Variants in PCDHGB1 observed in about 807,000 individuals in gnomAD.
PCDHGB1 encodes protocadherin gamma-B1.
A neutral mutation model predicts 56.6 loss-of-function variants in PCDHGB1; 34 were observed. The observed-to-expected ratio is 0.60, with a 90% CI of 0.46 to 0.80. The LOEUF (loss-of-function observed/expected upper bound fraction) is 0.80. Among genes scored for constraint, PCDHGB1 ranks in the 30% least tolerant of loss-of-function variants. PCDHGB1 has a pLI of 0.00. For synonymous variants in PCDHGB1, 561 were observed against 505.9 expected (o/e 1.11, Z -1.46); for missense variants, 1,278 against 1,204.6 (o/e 1.06, Z -0.90).
chr5:141,389,658 G>T (rs750579245), intron 1 of PCDHGB1: 17 of 1,612,424 alleles, frequency 1.1e-5, no homozygotes, highest in Non-Finnish European at 8.5e-7. Flanking sequence ...GGTAGTGGCG[G>T]TGGACGCAGA....
In PCDHGB1 at chr5:141,491,927, G is replaced by A. The variant is rs1314503730; in HGVS notation, c.2410-2880G>A. 3 of 1,309,982 alleles carry A rather than the reference G, an allele frequency of 2.3e-6. No individual in the cohort carries two copies. In the African/African-American group the frequency reaches 4.5e-5, roughly 20 times the overall value. 81.1% of individuals were successfully genotyped at this position (1,309,982 alleles called of 1,614,324 possible). A position where few individuals can be genotyped will look rare whatever the true frequency, so the allele number is the denominator to read the frequency against. On this transcript the variant is annotated intron_variant, in intron 1 of 3. Coordinates refer to ENST00000523390, the MANE Select transcript of PCDHGB1 (RefSeq NM_018922.3). The surrounding 1 kb of genome is among the most constrained non-coding windows in gnomAD (Gnocchi z 6.9). ...GTGGTGGCGACTGTGGGCGAGGGGAGGTGGGACCGACCCCCACCCCTACAC... is the reference window on the plus strand; with the variant it reads ...GTGGTGGCGACTGTGGGCGAGGGGAAGTGGGACCGACCCCCACCCCTACAC...
intron 1 of PCDHGB1, chr5:141,403,406 T>A: frequency 6.2e-7 from 1 of 1,614,058 alleles, no homozygotes; most frequent in South Asian, 1.1e-5. Flanking sequence ...TGGAGCACGT[T>A]ATCCACTTCC....
intron 1 of PCDHGB1, chr5:141,409,600 G>T (rs778681839): frequency 6.8e-6 from 11 of 1,613,882 alleles, no homozygotes; most frequent in Admixed American, 1.7e-5. Flanking sequence ...AGAACAACCC[G>T]CCAGGAGCCT....
At chr5:141,481,739 G>A (rs1034725934) in intron 1 of PCDHGB1, among the ~76,000 whole-genome samples, 1 of 152,082 alleles carries the variant, frequency 6.6e-6, no homozygotes, top group Non-Finnish European at 1.5e-5. Flanking sequence ...GGATCACGAG[G>A]TCAGGAGTCC....
chr5:141,414,000 A>T (rs759228883), intron 1 of PCDHGB1: 2 of 1,613,282 alleles, frequency 1.2e-6, no homozygotes, highest in African/African-American at 2.7e-5. Flanking sequence ...ACAGGGACGA[A>T]GGTGCCAATG....
intron 1 of PCDHGB1, chr5:141,415,051 C>T: frequency 3.1e-6 from 5 of 1,613,458 alleles, no homozygotes; most frequent in South Asian, 1.1e-5. Flanking sequence ...GGTGGGGGAG[C>T]ACACGGGCGA....
intron 1 of PCDHGB1, chr5:141,407,948 G>T (rs978962452): frequency 7.0e-6 from 4 of 572,054 alleles, no homozygotes; most frequent in Non-Finnish European, 1.1e-5. Flanking sequence ...GCCGCTGTCG[G>T]CCAGTGCAGA....
intron 1 of PCDHGB1, chr5:141,419,137 C>CAGGG: frequency 6.2e-7 from 1 of 1,613,892 alleles, no homozygotes; most frequent in Non-Finnish European, 8.5e-7. Context: ...CAGCCACAGA[C>CAGGG]AGGGGCAAGC....
rs1264017483 is a variant in PCDHGB1 at position 141,477,989 on chromosome 5, A to G, written c.2410-16818A>G. The G allele has an allele frequency of 5.6e-6, 9 of 1,614,086 alleles. No individual in the cohort carries two copies. The highest frequency in any genetic ancestry group is 1.6e-4 in the Middle Eastern group (1 of 6,062). On this transcript the variant is annotated intron_variant, in intron 1 of 3. Coordinates refer to ENST00000523390, the MANE Select transcript of PCDHGB1 (RefSeq NM_018922.3). The surrounding 1 kb of genome is among the most constrained non-coding windows in gnomAD (Gnocchi z 4.9). ...GAGCCTTTTTGCCATAGGGCTGCACACTGGTCAAATCAGTACTGCCCGTCC... is the reference window on the plus strand; with the variant it reads ...GAGCCTTTTTGCCATAGGGCTGCACGCTGGTCAAATCAGTACTGCCCGTCC...
At position 141,408,464 on chromosome 5, in the gene PCDHGB1, A is replaced by G. The variant is rs764186219; in HGVS notation, c.2409+55795A>G. ...GGAGAGCGGGGACTTACTTGTGAAG[A>G]ACCGAATAGACCGTGAGCAAATATG... On this transcript the variant is annotated intron_variant, in intron 1 of 3. Coordinates refer to ENST00000523390, the MANE Select transcript of PCDHGB1 (RefSeq NM_018922.3). The G allele has an allele frequency of 3.8e-5, 61 of 1,613,880 alleles. No homozygotes were observed. Among genetic ancestry groups the G allele is most frequent in the South Asian group, 1.4e-4 (13 of 91,024 alleles).
Position 141,350,759 on chromosome 5 carries a change from T to C in PCDHGB1, c.499T>C (p.Tyr167His), listed in dbSNP as rs1758552070. The C allele has an allele frequency of 6.2e-7, 1 of 1,613,948 alleles. No individual in the cohort carries two copies. Among genetic ancestry groups the C allele is most frequent in the African/African-American group, 1.3e-5 (1 of 75,068 alleles). The change falls in exon 1 of 4, where the codon TAC (tyrosine) becomes CAC (histidine). Residue 167 changes from tyrosine (Y) to histidine (H), a missense_variant. Coordinates refer to ENST00000523390, the MANE Select transcript of PCDHGB1 (RefSeq NM_018922.3). ...ADVEGNSLKL[Y>H]TINPNQYFSL... is the part of the protein sequence containing the mutation. ...TGTGGAAGGCAATTCACTGAAGTTA[T>C]ACACCATCAACCCCAATCAATACTT...
At chr5:141,357,327 G>A (rs373544325) in intron 1 of PCDHGB1, 63 of 1,613,912 alleles carry the variant, frequency 3.9e-5, no homozygotes, top group Non-Finnish European at 4.9e-5. Context: ...CTTTTGTCAC[G>A]GTGCTGCTAG....
intron 1 of PCDHGB1, among the ~76,000 whole-genome samples, chr5:141,449,440 C>T (rs2098639026): frequency 6.6e-6 from 1 of 151,742 alleles, no homozygotes; most frequent in Admixed American, 6.6e-5. Flanking sequence ...AACTCCATCT[C>T]TACTAAAAAT....
At chr5:141,430,853 C>G (rs769009864) in intron 1 of PCDHGB1, 2 of 1,587,214 alleles carry the variant, frequency 1.3e-6, no homozygotes, top group Non-Finnish European at 1.7e-6. Flanking sequence ...CACCCAGATA[C>G]GCTATTCAGT....
At chr5:141,442,837 A>G (rs2098346617) in intron 1 of PCDHGB1, among the ~76,000 whole-genome samples, 1 of 152,202 alleles carries the variant, frequency 6.6e-6, no homozygotes, top group Admixed American at 6.5e-5. Flanking sequence ...GGGAGGGACA[A>G]ATCTTGGCCA....
Position 141,362,248 on chromosome 5 carries a change from C to T in PCDHGB1, c.2409+9579C>T, listed in dbSNP as rs1019484860. ...GGCCTTGATCTCAGTGCTCTTCTTC[C>T]TCGCGGTGATTCTGGCAATCTCCCT... On this transcript the variant is annotated intron_variant, in intron 1 of 3. Transcript: ENST00000523390. 6.8e-6 allele frequency: 11 copies of T among 1,613,922 alleles called. No homozygotes were observed. The Admixed American group carries it at 1.3e-4, about 20-fold the overall frequency.
intron 1 of PCDHGB1, chr5:141,408,968 C>T (rs752629281): frequency 6.2e-7 from 1 of 1,613,702 alleles, no homozygotes; most frequent in Non-Finnish European, 8.5e-7. Context: ...TGAAAATCTG[C>T]CCCCTGGGTC....
At chr5:141,506,382 G>T (rs1311307230) in intron 3 of PCDHGB1, among the ~76,000 whole-genome samples, 1 of 151,500 alleles carries the variant, frequency 6.6e-6, no homozygotes, top group East Asian at 1.9e-4. Flanking sequence ...CTGGGAGGTG[G>T]CTGTGGTGAG....
In PCDHGB1 at chr5:141,403,922, G is replaced by A. The variant is rs770450211; in HGVS notation, c.2409+51253G>A. ...TGAAATGGAAATACAAGCTGAAGAT[G>A]GTGGGGGATTGAAAGGGTGGACAAA... On this transcript the variant is annotated intron_variant, in intron 1 of 3. Transcript: ENST00000523390. 6.2e-6 allele frequency: 10 copies of A among 1,613,904 alleles called. No individual in the cohort carries two copies. The East Asian group carries it at 2.2e-4, about 36-fold the overall frequency.
Sources: allele counts gnomAD v4.1 joint callset (sites outside exome capture counted in the v4.1 genomes callset), GRCh38; gene constraint gnomAD v4.1.1; non-coding constraint Gnocchi (gnomAD v3.1); transcripts MANE v1.5; gene names NCBI Gene and HGNC (gene_info 2026-07-23, HGNC 2026-07-21).